MTMR8: variants seen among roughly 807,000 people sequenced by gnomAD.
MTMR8 encodes the protein myotubularin related protein 8.
MTMR8 carries 65 observed loss-of-function variants against 39.3 expected under a neutral mutation model. The observed-to-expected ratio is 1.65, with a 90% CI of 1.35 to 2.03. The LOEUF is 2.03. Ranked by LOEUF, MTMR8 falls within the 30% of genes most tolerant of loss-of-function variation. The pLI is 0.00. For synonymous variants in MTMR8, 245 were observed against 185.2 expected (o/e 1.32, Z -2.62); for missense variants, 777 against 538.9 (o/e 1.44, Z -4.37).
At chrX:64,321,514 T>C (rs1331547843) in intron 12 of MTMR8, among the ~76,000 whole-genome samples, 1 of 111,647 alleles carries the variant, frequency 9.0e-6, no homozygotes, top group Non-Finnish European at 1.9e-5. Flanking sequence ...TGAAGATAGG[T>C]CCATTGGGGT....
intron 1 of MTMR8, among the ~76,000 whole-genome samples, chrX:64,393,313 C>A (rs1245766262): frequency 1.8e-5 from 2 of 111,841 alleles, no homozygotes; most frequent in Non-Finnish European, 3.8e-5. Context: ...ATATTGAACA[C>A]AGTGCCTGTC....
intron 4 of MTMR8, among the ~76,000 whole-genome samples, chrX:64,352,427 C>T (rs1923509432): frequency 9.0e-6 from 1 of 111,592 alleles, no homozygotes; most frequent in Non-Finnish European, 1.9e-5. Flanking sequence ...CCTAGTAAAT[C>T]ACAAAACCTG....
At chrX:64,310,858 C>T (rs1472596792) in intron 12 of MTMR8, among the ~76,000 whole-genome samples, 1 of 111,961 alleles carries the variant, frequency 8.9e-6, no homozygotes, top group African/African-American at 3.3e-5. Flanking sequence ...GCATAGTATT[C>T]CATGGTGTAT....
At chrX:64,294,608 C>T (rs1921504062) in intron 12 of MTMR8, among the ~76,000 whole-genome samples, 1 of 111,738 alleles carries the variant, frequency 8.9e-6, no homozygotes, top group Non-Finnish European at 1.9e-5. Context: ...GGCTTATAAA[C>T]AATAGATATT....
At chrX:64,311,547 T>A (rs1381501458) in intron 12 of MTMR8, among the ~76,000 whole-genome samples, 1 of 111,780 alleles carries the variant, frequency 8.9e-6, no homozygotes, top group African/African-American at 3.3e-5. Context: ...GCTTTTGGTG[T>A]TTTAGTCATG....
At chrX:64,306,511 G>A (rs1453599152) in intron 12 of MTMR8, 1 of 141,222 alleles carries the variant, frequency 7.1e-6, no homozygotes, top group African/African-American at 3.2e-5. Flanking sequence ...GAAGCATTTT[G>A]AATAATAGCT....
chrX:64,387,893 G>A (rs1164415145), intron 1 of MTMR8, among the ~76,000 whole-genome samples: 2 of 110,131 alleles, frequency 1.8e-5, no homozygotes, highest in Non-Finnish European at 3.8e-5. Context: ...GGAGAGAAAA[G>A]AGGCTGACCA....
chrX:64,284,100 T>A lies in MTMR8; in HGVS notation c.1482-13027A>T, dbSNP rs760892105. Among the ~76,000 whole-genome samples, 5 of 111,569 alleles carry A rather than the reference T, an allele frequency of 4.5e-5. No individual in the cohort carries two copies. The Admixed American group carries it at 4.8e-4, about 11-fold the overall frequency. Reference sequence around the variant, plus strand: ...AAAACAGATTAGATGAATGGCTAACTAGAATAACCAATGCAGAGAAGTCCT... The same window carrying A: ...AAAACAGATTAGATGAATGGCTAACAAGAATAACCAATGCAGAGAAGTCCT... On this transcript the variant is annotated intron_variant, in intron 12 of 13. Transcript: ENST00000374852.
chrX:64,300,377 T>G (rs978928297), intron 12 of MTMR8, among the ~76,000 whole-genome samples: 1 of 111,671 alleles, frequency 9.0e-6, no homozygotes, highest in Non-Finnish European at 1.9e-5. Context: ...AAGTCTGTTT[T>G]ATCAGACACT....
chrX:64,338,317 G>A (rs1378645526), intron 8 of MTMR8, among the ~76,000 whole-genome samples: 1 of 111,853 alleles, frequency 8.9e-6, no homozygotes, highest in Non-Finnish European at 1.9e-5. Context: ...GCAAACCAAT[G>A]AAAAATAAAA....
intron 1 of MTMR8, among the ~76,000 whole-genome samples, chrX:64,367,855 A>G (rs1227576660): frequency 8.9e-6 from 1 of 111,801 alleles, no homozygotes; most frequent in Non-Finnish European, 1.9e-5. Flanking sequence ...GTATATCTAG[A>G]AAACCCCATT....
intron 12 of MTMR8, among the ~76,000 whole-genome samples, chrX:64,287,356 G>C (rs989869584): frequency 9.0e-6 from 1 of 111,616 alleles, no homozygotes; most frequent in Admixed American, 9.5e-5. Context: ...TCATGGATAG[G>C]AAGACTCAAT....
chrX:64,342,328 C>G (rs2046761943), intron 8 of MTMR8, among the ~76,000 whole-genome samples: 2 of 112,210 alleles, frequency 1.8e-5, no homozygotes, highest in Non-Finnish European at 3.8e-5. Flanking sequence ...TGGCAATAGC[C>G]AGATGGAGGA....
intron 12 of MTMR8, among the ~76,000 whole-genome samples, chrX:64,286,370 T>G (rs1211268121): frequency 8.9e-6 from 1 of 112,117 alleles, no homozygotes; most frequent in African/African-American, 3.2e-5. Context: ...CACAGCCAAA[T>G]TCTACCAGAG....
At chrX:64,384,596 C>T (rs1185764002) in intron 1 of MTMR8, among the ~76,000 whole-genome samples, 1 of 112,517 alleles carries the variant, frequency 8.9e-6, no homozygotes, top group Non-Finnish European at 1.9e-5. Context: ...AGCTTAACAC[C>T]ATGTGGAAGC....
chrX:64,354,590 A>C (rs763122948), intron 4 of MTMR8, among the ~76,000 whole-genome samples, 187 bp downstream of exon 4: 1 of 112,079 alleles, frequency 8.9e-6, no homozygotes, highest in Non-Finnish European at 1.9e-5. Flanking sequence ...GCTTTAGGCC[A>C]TGAGATCTCT....
chrX:64,268,569 T>G lies in MTMR8; in HGVS notation c.2083A>C (p.Thr695Pro). 1.7e-6 allele frequency: 2 copies of G among 1,209,819 alleles called. No individual in the cohort carries two copies. The highest frequency in any genetic ancestry group is 3.0e-5 in the East Asian group (1 of 33,816). The change falls in exon 14 of 14, where the codon ACC (threonine) becomes CCC (proline). Residue 695 changes from threonine to proline, a missense_variant. Physicochemically the swap from Thr to Pro is conservative, Grantham distance 38 (BLOSUM62 -1). Transcript: ENST00000374852. ...TGCTTGGAGTAGTCTGCCTCCTTGG[T>G]GCTGGCCTTGGAGATGCCTGTGTCC... ...LGDTGISKAS[T>P]KEADYSKHQ
intron 12 of MTMR8, among the ~76,000 whole-genome samples, chrX:64,300,535 G>T (rs1424961882): frequency 2.8e-5 from 3 of 108,275 alleles, no homozygotes; most frequent in Non-Finnish European, 5.8e-5. Context: ...TATCCAATTT[G>T]CCAGTCTGTG....
intron 11 of MTMR8, 37 bp from the exon 12 acceptor site, chrX:64,328,937 C>G (rs779119449): frequency 7.7e-6 from 9 of 1,161,382 alleles, no homozygotes; most frequent in Non-Finnish European, 2.3e-6. Flanking sequence ...AAATTAAAAG[C>G]AGGAAGCAAG....
Sources: allele counts gnomAD v4.1 joint callset (sites outside exome capture counted in the v4.1 genomes callset), GRCh38; gene constraint gnomAD v4.1.1; transcripts MANE v1.5; gene names NCBI Gene and HGNC (gene_info 2026-07-23, HGNC 2026-07-21).